Variants in HERC1 observed in about 807,000 individuals in gnomAD.
HERC1 encodes probable E3 ubiquitin-protein ligase HERC1.
HERC1 carries 160 observed loss-of-function variants against 554.3 expected under a neutral mutation model. The ratio of observed to expected loss-of-function variants is 0.29; its 90% CI spans 0.25 to 0.33. The LOEUF (loss-of-function observed/expected upper bound fraction) is 0.33. Ranked by LOEUF, HERC1 falls within the 10% of genes least tolerant of loss-of-function variation. The pLI, the probability that HERC1 is intolerant of heterozygous loss-of-function variation, is 1.00. For missense variants in HERC1, 4,919 were observed against 5,918.5 expected, an observed-to-expected ratio of 0.83 and a Z score of 5.54; for synonymous variants, 2,175 against 2,131.7, an observed-to-expected ratio of 1.02 and a Z score of -0.56.
intron 1 of HERC1, among the ~76,000 whole-genome samples, chr15:63,805,609 G>C (rs949925399): frequency 5.9e-5 from 9 of 152,186 alleles, no homozygotes; most frequent in Non-Finnish European, 1.3e-4. Flanking sequence ...TCTTAAAATG[G>C]TGAATTTATG....
intron 2 of HERC1, among the ~76,000 whole-genome samples, chr15:63,772,760 C>G (rs893432054): frequency 4.6e-5 from 7 of 152,086 alleles, no homozygotes; most frequent in African/African-American, 1.7e-4. Flanking sequence ...GTGAAGAACA[C>G]AGAACCCATG....
chr15:63,713,749 T>G (rs1218519601), intron 22 of HERC1, 84 bp from the exon 23 acceptor site: 4 of 1,297,748 alleles, frequency 3.1e-6, no homozygotes, highest in African/African-American at 1.5e-5. Context: ...GTCAAAAAGT[T>G]TGGACCAAAA....
chr15:63,828,234 G>A (rs956447634), intron 1 of HERC1, among the ~76,000 whole-genome samples: 7 of 152,080 alleles, frequency 4.6e-5, no homozygotes, highest in African/African-American at 1.4e-4. Flanking sequence ...AGAAACTAAA[G>A]AGACTATGTA....
At chr15:63,652,596 T>C in intron 51 of HERC1, 55 bp from the exon 52 acceptor site, 1 of 1,385,036 alleles carries the variant, frequency 7.2e-7, no homozygotes, top group Non-Finnish European at 9.9e-7. Flanking sequence ...GATTTTATTA[T>C]TTGAAAAAGT....
intron 46 of HERC1, 32 bp downstream of exon 46, chr15:63,660,941 T>A: frequency 7.5e-7 from 1 of 1,339,152 alleles, no homozygotes; most frequent in Non-Finnish European, 1.1e-6. Flanking sequence ...TAAAAAAACA[T>A]GTAAAATAAA....
At chr15:63,645,218 A>G (rs145517328) in intron 56 of HERC1, 121 bp from the exon 57 acceptor site, 2 of 770,456 alleles carry the variant, frequency 2.6e-6, no homozygotes, top group Admixed American at 2.3e-5. Flanking sequence ...ACTTATTTGT[A>G]GTACATACAA....
At chr15:63,687,311 G>A (rs947368923) in intron 33 of HERC1, among the ~76,000 whole-genome samples, 9 of 152,192 alleles carry the variant, frequency 5.9e-5, no homozygotes, top group Non-Finnish European at 1.0e-4. Flanking sequence ...AGACCGAAGC[G>A]GGCGGATCAC....
chr15:63,731,397 G>C (rs2074285450), intron 14 of HERC1, among the ~76,000 whole-genome samples: 1 of 152,112 alleles, frequency 6.6e-6, no homozygotes, highest in South Asian at 2.1e-4. Flanking sequence ...CCCAAAAGCA[G>C]TTAGTATTTT....
intron 70 of HERC1, 37 bp downstream of exon 70, chr15:63,628,640 A>T: frequency 1.3e-6 from 2 of 1,574,218 alleles, no homozygotes; most frequent in Non-Finnish European, 1.7e-6. Context: ...CTGCTAAAAA[A>T]GAAACGCTGC....
chr15:63,624,056 C>T (rs2068198629), intron 72 of HERC1, 102 bp downstream of exon 72: 2 of 1,295,606 alleles, frequency 1.5e-6, no homozygotes, highest in Non-Finnish European at 2.2e-6. Context: ...TTACTATCTA[C>T]CCTGCCTTAG....
intron 16 of HERC1, 139 bp downstream of exon 16, chr15:63,729,097 A>G (rs149963604): frequency 2.5e-6 from 2 of 802,952 alleles, no homozygotes; most frequent in Non-Finnish European, 1.9e-6. Context: ...CCCCAAACCA[A>G]GACTAAAGGA....
chr15:63,775,721 A>G lies in HERC1; in HGVS notation c.-26-72T>C. The G allele has an allele frequency of 9.9e-7, 1 of 1,013,280 alleles. No homozygotes were observed. Among genetic ancestry groups the G allele is most frequent in the African/African-American group, 1.6e-5 (1 of 62,168 alleles). The allele number at this position is 1,013,280 out of a possible 1,614,324, so 62.8% of individuals were successfully genotyped here. A position where few individuals can be genotyped will look rare whatever the true frequency, so the allele number is the denominator to read the frequency against. ...TAAAATGTTTCCAAAATTTCATCTT[A>G]CATTACAATTAATGATTTCAAACTG... On this transcript the variant is annotated intron_variant, in intron 1 of 77. Transcript: ENST00000443617. The surrounding 1 kb of genome is among the most constrained non-coding windows in gnomAD (Gnocchi z 4.0).
intron 1 of HERC1, among the ~76,000 whole-genome samples, chr15:63,809,767 A>G (rs1165085017): frequency 6.7e-6 from 1 of 149,584 alleles, no homozygotes; most frequent in African/African-American, 2.5e-5. Context: ...TATCCTATTC[A>G]TTGCAGCCTT....
intron 25 of HERC1, among the ~76,000 whole-genome samples, chr15:63,704,880 AG>A (rs1253056180): frequency 6.6e-6 from 1 of 151,642 alleles, no homozygotes; most frequent in Non-Finnish European, 1.5e-5. Context: ...CCAGGACTAC[AG>A]GCGCCCACCA....
chr15:63,657,579 T>A lies in HERC1; in HGVS notation c.9599+965A>T, dbSNP rs141964439. Among the ~76,000 whole-genome samples the A allele has an allele frequency of 7.8e-3, 1,181 of 152,282 alleles. 11 individuals are homozygous for A. The highest frequency in any genetic ancestry group is 0.018 in the Admixed American group (280 of 15,290). ...CTTCTCCCATTCTATGGCTTGCTTT[T>A]TTACTTTCTTACTTTTCAAATCACT... On this transcript the variant is annotated intron_variant, in intron 48 of 77. Transcript: ENST00000443617.
intron 34 of HERC1, among the ~76,000 whole-genome samples, chr15:63,685,996 T>C (rs1235185401): frequency 6.6e-6 from 1 of 152,234 alleles, no homozygotes; most frequent in Non-Finnish European, 1.5e-5. Context: ...AACAGTTCCC[T>C]ATAAAAATTG....
intron 7 of HERC1, 61 bp downstream of exon 7, chr15:63,754,444 A>C (rs373075664): frequency 2.1e-6 from 3 of 1,427,976 alleles, no homozygotes; most frequent in East Asian, 4.7e-5. Flanking sequence ...TAACTGAAAA[A>C]TAAATTTTTA....
intron 3 of HERC1, among the ~76,000 whole-genome samples, chr15:63,760,866 CA>C (rs1393150606): frequency 6.6e-6 from 1 of 151,788 alleles, no homozygotes; most frequent in Non-Finnish European, 1.5e-5. Context: ...TGAATAATAT[CA>C]AGACATATTC....
intron 1 of HERC1, among the ~76,000 whole-genome samples, chr15:63,811,783 T>C (rs1596310236): frequency 1.6e-5 from 2 of 126,284 alleles, no homozygotes; most frequent in East Asian, 2.3e-4. Flanking sequence ...TACTCCAGCC[T>C]GGGCGACTCA....
Sources: allele counts gnomAD v4.1 joint callset (sites outside exome capture counted in the v4.1 genomes callset), GRCh38; gene constraint gnomAD v4.1.1; non-coding constraint Gnocchi (gnomAD v3.1); transcripts MANE v1.5; gene names NCBI Gene and HGNC (gene_info 2026-07-23, HGNC 2026-07-21).